TSHZ3: variants seen among roughly 807,000 people sequenced by gnomAD.
TSHZ3 encodes the protein teashirt homolog 3.
A neutral mutation model predicts 64.5 loss-of-function variants in TSHZ3; 10 were observed. The ratio of observed to expected loss-of-function variants is 0.16; its 90% CI spans 0.10 to 0.26. TSHZ3 has a LOEUF of 0.26. Among genes scored for constraint, TSHZ3 ranks in the 10% least tolerant of loss-of-function variants. The pLI is 1.00. For synonymous variants in TSHZ3, 608 were observed against 593.1 expected (o/e 1.03, Z -0.36); for missense variants, 1,242 against 1,421.7 (o/e 0.87, Z 2.03).
At chr19:31,233,076 A>G (rs1208849725) in intron 3 of TSHZ3, among the ~76,000 whole-genome samples, 1 of 152,194 alleles carries the variant, frequency 6.6e-6, no homozygotes, top group Non-Finnish European at 1.5e-5. Context: ...TCTCTTGGGT[A>G]AAAACAGAGG....
At chr19:31,253,774 A>G (rs1227236543) in intron 1 of TSHZ3, among the ~76,000 whole-genome samples, 1 of 152,176 alleles carries the variant, frequency 6.6e-6, no homozygotes, top group Non-Finnish European at 1.5e-5. Flanking sequence ...CCCGGATAGA[A>G]AGGGCCAACT....
Position 31,277,919 on chromosome 19 carries a change from T to C in TSHZ3, c.1874A>G (p.Glu625Gly). 6.2e-7 allele frequency: 1 copy of C among 1,614,196 alleles called. No individual in the cohort carries two copies. Among genetic ancestry groups the C allele is most frequent in the South Asian group, 1.1e-5 (1 of 91,080 alleles). The change falls in exon 2 of 2, where the codon GAG becomes GGG. Residue 625 changes from glutamate (E) to glycine (G), a missense_variant. Physicochemically the swap from Glu to Gly is moderately conservative, Grantham distance 98 (BLOSUM62 -2). Around this residue, in one of 4 missense-constraint regions of TSHZ3, gnomAD observed 550 missense variants for 545.1 expected, o/e 1.01. Coordinates refer to ENST00000240587, the MANE Select transcript of TSHZ3 (RefSeq NM_020856.4). This position sits in a 1 kb window ranked among gnomAD's most constrained non-coding sequence, Gnocchi z 4.5. Reference protein sequence around the residue: ...KKVTEKVAKVEEKMKEPDGKL... With the variant: ...KKVTEKVAKVGEKMKEPDGKL... ...CCCATCCGGCTCCTTCATCTTCTCC[T>C]CCACTTTGGCAACTTTCTCAGTGAC...
At chr19:31,179,825 TGGA>T (rs1232998044) in intron 5 of TSHZ3, among the ~76,000 whole-genome samples, 1 of 89,280 alleles carries the variant, frequency 1.1e-5, no homozygotes, top group African/African-American at 8.0e-5. Context: ...GTGGTGATGA[TGGA>T]GGTGGTGGTG....
intron 1 of TSHZ3, among the ~76,000 whole-genome samples, chr19:31,326,946 G>A (rs1456938327): frequency 1.3e-5 from 2 of 152,174 alleles, no homozygotes; most frequent in African/African-American, 2.4e-5. Flanking sequence ...TGCAAATACA[G>A]GGGAGAAGTC....
intron 3 of TSHZ3, among the ~76,000 whole-genome samples, chr19:31,230,687 C>T (rs1975526979): frequency 6.9e-6 from 1 of 145,760 alleles, no homozygotes; most frequent in Non-Finnish European, 1.5e-5. Flanking sequence ...TGCTTCCCAT[C>T]ACTGCTTTTT....
At chr19:31,199,399 CCAAAAAAA>C (rs1975040155) in intron 5 of TSHZ3, among the ~76,000 whole-genome samples, 1 of 43,764 alleles carries the variant, frequency 2.3e-5, no homozygotes, top group African/African-American at 1.3e-4. Flanking sequence ...CGAGACTCCG[CCAAAAAAA>C]AAAAAAAAAA....
intron 4 of TSHZ3, among the ~76,000 whole-genome samples, chr19:31,223,521 C>A (rs1975418483): frequency 6.6e-6 from 1 of 151,996 alleles, no homozygotes; most frequent in South Asian, 2.1e-4. Context: ...TTTTGAAAAA[C>A]TCCAGTACAA....
At chr19:31,238,825 T>G (rs982574609) in intron 3 of TSHZ3, among the ~76,000 whole-genome samples, 2 of 152,222 alleles carry the variant, frequency 1.3e-5, no homozygotes, top group African/African-American at 4.8e-5. Context: ...GATCTCACTT[T>G]TTTTCCTAGT....
chr19:31,349,809 G>A (rs1375263977), upstream of TSHZ3, among the ~76,000 whole-genome samples: 1 of 146,326 alleles, frequency 6.8e-6, no homozygotes, highest in Admixed American at 6.7e-5. Flanking sequence ...CCAGTCTTCT[G>A]CCCGTGGCGC....
At position 31,254,437 on chromosome 19, in the gene TSHZ3, G is replaced by A. The variant is rs570211570; in HGVS notation, n.64-11562C>T. 7.2e-5 allele frequency among the ~76,000 whole-genome samples: 11 copies of A among 152,342 alleles called. 1 individual carries two copies. Among genetic ancestry groups the A allele is most frequent in the African/African-American group, 1.4e-4 (6 of 41,578 alleles). ...GAACTGAGCCCAGGCTGGGCTGTGG[G>A]CCCTGGAGGAAAGGGGGCCGGTCAG... On this transcript the variant is annotated intron_variant and non_coding_transcript_variant, in intron 1 of 6. Coordinates refer to the TSHZ3 transcript ENST00000651361.
chr19:31,263,692 TC>T lies in TSHZ3; in HGVS notation n.64-20818del, dbSNP rs879862084. Among the ~76,000 whole-genome samples the T allele has an allele frequency of 1.5e-4, 22 of 151,244 alleles. No individual in the cohort carries two copies. The South Asian group carries it at 4.0e-3, about 28-fold the overall frequency. On this transcript the variant is annotated intron_variant and non_coding_transcript_variant, in intron 1 of 6. Transcript: ENST00000651361. ...TTCCATGTCTCACAGATCCTGTGGGTCCCCCCCACTCCTCACATCCCCACCC... is the reference window on the plus strand; with the variant it reads ...TTCCATGTCTCACAGATCCTGTGGGTCCCCCCACTCCTCACATCCCCACCC...
At chr19:31,313,325 A>C (rs1916512751) in intron 1 of TSHZ3, among the ~76,000 whole-genome samples, 1 of 152,226 alleles carries the variant, frequency 6.6e-6, no homozygotes, top group African/African-American at 2.4e-5. Flanking sequence ...TGCTAATAAA[A>C]ATGTAAAATT....
At chr19:31,167,866 G>C (rs1208043358) in intron 5 of TSHZ3, 1 of 152,278 alleles carries the variant, frequency 6.6e-6, no homozygotes, top group Non-Finnish European at 1.5e-5. Flanking sequence ...CCCTCCCGTC[G>C]CTTCCCTTTA....
At chr19:31,235,337 A>G (rs1030934269) in intron 3 of TSHZ3, among the ~76,000 whole-genome samples, 2 of 152,036 alleles carry the variant, frequency 1.3e-5, no homozygotes, top group African/African-American at 4.8e-5. Context: ...TGTGACCAAC[A>G]TTTCCCCATT....
chr19:31,187,070 T>C (rs951589132), intron 5 of TSHZ3, among the ~76,000 whole-genome samples: 6 of 152,100 alleles, frequency 3.9e-5, no homozygotes, highest in Non-Finnish European at 8.8e-5. Flanking sequence ...CTCTTACTTT[T>C]AACACATGTA....
At chr19:31,314,401 C>T (rs912008472) in intron 1 of TSHZ3, among the ~76,000 whole-genome samples, 5 of 152,156 alleles carry the variant, frequency 3.3e-5, no homozygotes, top group African/African-American at 7.2e-5. Flanking sequence ...GTCTCACCTG[C>T]ACGGTGGGGC....
intron 1 of TSHZ3, among the ~76,000 whole-genome samples, chr19:31,248,731 C>T (rs1975792240): frequency 6.8e-6 from 1 of 146,634 alleles, no homozygotes; most frequent in South Asian, 2.2e-4. Flanking sequence ...GTCGAGGCTG[C>T]AGTAGCCATG....
At chr19:31,294,351 C>G (rs567099113) in intron 1 of TSHZ3, among the ~76,000 whole-genome samples, 1 of 152,214 alleles carries the variant, frequency 6.6e-6, no homozygotes, top group South Asian at 2.1e-4. Context: ...TGACCCAACA[C>G]TCACCTAGCA....
chr19:31,251,976 G>A (rs541490830), intron 1 of TSHZ3, among the ~76,000 whole-genome samples: 21 of 152,212 alleles, frequency 1.4e-4, no homozygotes, highest in Non-Finnish European at 1.9e-4. Flanking sequence ...AGGGCTGGAA[G>A]TGCATGGTTT....
Sources: allele counts gnomAD v4.1 joint callset (sites outside exome capture counted in the v4.1 genomes callset), GRCh38; gene constraint gnomAD v4.1.1; regional missense constraint gnomAD v4.1.1; non-coding constraint Gnocchi (gnomAD v3.1); transcripts MANE v1.5; gene names NCBI Gene and HGNC (gene_info 2026-07-23, HGNC 2026-07-21).